PDZRN4: variants seen among roughly 807,000 people sequenced by gnomAD.
PDZRN4 encodes PDZ domain-containing RING finger protein 4.
Under a neutral mutation model 99.0 loss-of-function variants are expected in PDZRN4, and 70 were observed. The observed-to-expected ratio is 0.71, with a 90% CI of 0.58 to 0.86. The LOEUF is 0.86. PDZRN4 is among the 40% of genes least tolerant of loss of function. The pLI, the probability that PDZRN4 is intolerant of heterozygous loss-of-function variation, is 0.00. For missense variants in PDZRN4, 1,474 were observed against 1,331.2 expected (o/e 1.11, Z -1.67); for synonymous variants, 551 against 501.6 (o/e 1.10, Z -1.32).
intron 7 of PDZRN4, among the ~76,000 whole-genome samples, chr12:41,558,057 G>T (rs1939197940): frequency 6.6e-6 from 1 of 152,062 alleles, no homozygotes; most frequent in Non-Finnish European, 1.5e-5. Flanking sequence ...AAATTAAAGG[G>T]ACCATTTTCG....
intron 3 of PDZRN4, among the ~76,000 whole-genome samples, chr12:41,214,939 A>T (rs1950911351): frequency 6.6e-6 from 1 of 152,126 alleles, no homozygotes; most frequent in Admixed American, 6.6e-5. Context: ...TATAGCTGGT[A>T]AAGTCTAATA....
chr12:41,420,766 T>G (rs140193890), intron 3 of PDZRN4, among the ~76,000 whole-genome samples: 181 of 152,316 alleles, frequency 1.2e-3, no homozygotes, highest in African/African-American at 4.3e-3. Flanking sequence ...TTCTATCTTT[T>G]TCTTTGAATG....
At chr12:41,201,888 A>C (rs1212565839) in intron 3 of PDZRN4, among the ~76,000 whole-genome samples, 1 of 152,126 alleles carries the variant, frequency 6.6e-6, no homozygotes, top group Admixed American at 6.6e-5. Context: ...GCAATGTTTC[A>C]AATTCTGTTC....
chr12:41,286,336 C>CTTTTTTTTTTTTTTTTTT (rs71081721), intron 3 of PDZRN4, among the ~76,000 whole-genome samples: 539 of 106,170 alleles, frequency 5.1e-3, no homozygotes, highest in African/African-American at 8.9e-3. Flanking sequence ...CCTTCTTCTT[C>CTTTTTTTTTTTTTTTTTT]TTTTTTTTTT....
chr12:41,437,678 C>A (rs1010358334), intron 3 of PDZRN4: 61 of 1,186,756 alleles, frequency 5.1e-5, no homozygotes, highest in Non-Finnish European at 6.7e-5. Flanking sequence ...TGCACTGATG[C>A]AGAGACGGGG....
At chr12:41,473,733 A>T (rs145368110) in intron 3 of PDZRN4, among the ~76,000 whole-genome samples, 2 of 152,182 alleles carry the variant, frequency 1.3e-5, no homozygotes, top group African/African-American at 4.8e-5. Flanking sequence ...TATCTCCAAC[A>T]TCTGATCTTT....
chr12:41,504,530 G>A (rs1938170714), intron 3 of PDZRN4, among the ~76,000 whole-genome samples: 1 of 152,116 alleles, frequency 6.6e-6, no homozygotes, highest in African/African-American at 2.4e-5. Context: ...GAAACATATG[G>A]GATGATATTA....
At chr12:41,408,320 C>T (rs898988386) in intron 3 of PDZRN4, among the ~76,000 whole-genome samples, 2 of 152,170 alleles carry the variant, frequency 1.3e-5, no homozygotes, top group Non-Finnish European at 2.9e-5. Context: ...TGAAACAGAA[C>T]GATAAAGATG....
chr12:41,389,325 C>T (rs1413051724), intron 3 of PDZRN4, among the ~76,000 whole-genome samples: 1 of 152,122 alleles, frequency 6.6e-6, no homozygotes, highest in African/African-American at 2.4e-5. Flanking sequence ...CCTGTTTTAT[C>T]ACCAAAATCC....
Position 41,572,538 on chromosome 12 carries a change from G to A in PDZRN4, c.1759G>A (p.Asp587Asn). ...TAGCACATCTTTGAAGAGCAAGAGAGACCTGGGGCAGAGCCAAGACACTCT... is the reference window on the plus strand; with the variant it reads ...TAGCACATCTTTGAAGAGCAAGAGAAACCTGGGGCAGAGCCAAGACACTCT... ...PNSTSLKSKR[D>N]LGQSQDTLGS... Residue 587 changes from aspartate to asparagine, a missense_variant, in exon 10 of 10, where the codon GAC (aspartate) becomes AAC (asparagine). Transcript: ENST00000402685. The A allele has an allele frequency of 6.2e-7, 1 of 1,614,098 alleles. No individual in the cohort carries two copies. The highest frequency in any genetic ancestry group is 8.5e-7 in the Non-Finnish European group (1 of 1,180,008).
chr12:41,283,498 C>A (rs986327036), intron 3 of PDZRN4, among the ~76,000 whole-genome samples: 1 of 152,172 alleles, frequency 6.6e-6, no homozygotes, highest in Non-Finnish European at 1.5e-5. Context: ...GGAATCCTCC[C>A]TAACTCATTT....
intron 3 of PDZRN4, among the ~76,000 whole-genome samples, chr12:41,207,192 C>A (rs931871726): frequency 6.6e-6 from 1 of 151,582 alleles, no homozygotes; most frequent in African/African-American, 2.4e-5. Context: ...TAATGCATAT[C>A]TTTTCTTAGA....
intron 3 of PDZRN4, among the ~76,000 whole-genome samples, chr12:41,467,714 G>A (rs1952941955): frequency 6.6e-6 from 1 of 152,208 alleles, no homozygotes; most frequent in Non-Finnish European, 1.5e-5. Flanking sequence ...TAGCTTCCCT[G>A]CTAATTTTGA....
At chr12:41,214,942 G>T (rs780138875) in intron 3 of PDZRN4, among the ~76,000 whole-genome samples, 4 of 152,046 alleles carry the variant, frequency 2.6e-5, no homozygotes, top group Non-Finnish European at 4.4e-5. Context: ...AGCTGGTAAA[G>T]TCTAATACTC....
chr12:41,502,871 T>C (rs79199090), intron 3 of PDZRN4, among the ~76,000 whole-genome samples: 10,997 of 152,174 alleles, frequency 0.072, 960 homozygotes, highest in African/African-American at 0.19. Context: ...AAATATCTGT[T>C]ATTGGTTTAA....
In PDZRN4 at chr12:41,302,274, T is replaced by G. The variant is rs182825971; in HGVS notation, c.843+108086T>G. Among the ~76,000 whole-genome samples, 433 of 152,206 alleles carry G rather than the reference T, an allele frequency of 2.8e-3. 4 individuals are homozygous for G. The highest frequency in any genetic ancestry group is 9.9e-3 in the African/African-American group (412 of 41,560). On this transcript the variant is annotated intron_variant, in intron 3 of 9. Coordinates refer to ENST00000402685, the MANE Select transcript of PDZRN4 (RefSeq NM_001164595.2). ...TTTGTGTACTTTTGTATTTCTACATTATTATATATTTTATTATTAAAATCA... is the reference window on the plus strand; with the variant it reads ...TTTGTGTACTTTTGTATTTCTACATGATTATATATTTTATTATTAAAATCA...
chr12:41,514,540 G>C (rs1040960721), intron 5 of PDZRN4, among the ~76,000 whole-genome samples: 8 of 151,998 alleles, frequency 5.3e-5, no homozygotes, highest in Middle Eastern at 3.2e-3. Context: ...TGCATGTATA[G>C]AGCTATATGG....
chr12:41,394,444 A>T (rs941895986), intron 3 of PDZRN4, among the ~76,000 whole-genome samples: 1 of 152,196 alleles, frequency 6.6e-6, no homozygotes, highest in Non-Finnish European at 1.5e-5. Context: ...ATTACAGTGC[A>T]TTAAGTTTCA....
chr12:41,480,912 T>C (rs1343340078), intron 3 of PDZRN4, among the ~76,000 whole-genome samples: 10 of 151,212 alleles, frequency 6.6e-5, no homozygotes, highest in Admixed American at 6.6e-4. Flanking sequence ...TTTGATAAAC[T>C]AAAACACTAC....
Sources: allele counts gnomAD v4.1 joint callset (sites outside exome capture counted in the v4.1 genomes callset), GRCh38; gene constraint gnomAD v4.1.1; transcripts MANE v1.5; gene names NCBI Gene and HGNC (gene_info 2026-07-23, HGNC 2026-07-21).